Variants in TRPM8 observed in about 807,000 individuals in gnomAD.
TRPM8 encodes transient receptor potential cation channel subfamily M member 8.
In TRPM8, 110 loss-of-function variants were observed where a neutral mutation model predicts 133.7. The observed-to-expected ratio is 0.82, with a 90% CI of 0.70 to 0.96. TRPM8 has a LOEUF of 0.96. Ranked by LOEUF, TRPM8 falls within the 40% of genes least tolerant of loss-of-function variation. The pLI is 0.00. For synonymous variants in TRPM8, 535 were observed against 532.3 expected (o/e 1.01, Z -0.07); for missense variants, 1,291 against 1,379.5 (o/e 0.94, Z 1.02).
At chr2:233,926,197 G>C (rs898460863) in intron 1 of TRPM8, among the ~76,000 whole-genome samples, 5 of 152,230 alleles carry the variant, frequency 3.3e-5, no homozygotes, top group African/African-American at 1.2e-4. Flanking sequence ...GGAGTGCACT[G>C]TGATGCATGT....
chr2:233,939,344 G>A (rs1690846650), intron 5 of TRPM8, among the ~76,000 whole-genome samples, 169 bp downstream of exon 5: 1 of 152,244 alleles, frequency 6.6e-6, no homozygotes, highest in African/African-American at 2.4e-5. Context: ...TGGACACGGA[G>A]CTCTGGCAGA....
intron 17 of TRPM8, among the ~76,000 whole-genome samples, chr2:233,976,142 C>T (rs1361746584): frequency 2.0e-5 from 3 of 152,196 alleles, no homozygotes; most frequent in Admixed American, 2.0e-4. Flanking sequence ...ACGAAGATCT[C>T]TTCCCCTATG....
intron 21 of TRPM8, among the ~76,000 whole-genome samples, chr2:233,991,967 A>G (rs898901702): frequency 6.6e-6 from 1 of 152,160 alleles, no homozygotes; most frequent in Non-Finnish European, 1.5e-5. Context: ...GCATCTTACT[A>G]TTGAGAAGAA....
chr2:233,942,823 C>A, intron 6 of TRPM8, 75 bp downstream of exon 6: 1 of 1,579,260 alleles, frequency 6.3e-7, no homozygotes, highest in Non-Finnish European at 8.7e-7. Context: ...GGCCTGAACC[C>A]TGGGGCTCTG....
intron 24 of TRPM8, among the ~76,000 whole-genome samples, chr2:234,011,181 C>G (rs1298079551): frequency 6.6e-6 from 1 of 152,102 alleles, no homozygotes; most frequent in Non-Finnish European, 1.5e-5. Flanking sequence ...CAATGTTATT[C>G]TTTTACATGT....
rs1311176530 is a variant in TRPM8, at chr2:234,017,498, C to T, written c.*242C>T. On this transcript the variant is annotated 3_prime_UTR_variant, in exon 26 of 26. Transcript: ENST00000324695. ...TTTATGTGTTTCTCCAGAATGGTGCCTGTTTCTCTCTGTGTCTCAATGCCT... is the reference window on the plus strand; with the variant it reads ...TTTATGTGTTTCTCCAGAATGGTGCTTGTTTCTCTCTGTGTCTCAATGCCT... 5.1e-6 allele frequency: 2 copies of T among 388,604 alleles called. No individual in the cohort carries two copies. Among genetic ancestry groups the T allele is most frequent in the East Asian group, 7.6e-5 (1 of 13,236 alleles). 24.1% of individuals were successfully genotyped at this position (388,604 alleles called of 1,614,324 possible).
At chr2:233,935,040 G>A (rs1014561091) in intron 3 of TRPM8, among the ~76,000 whole-genome samples, 5 of 152,188 alleles carry the variant, frequency 3.3e-5, no homozygotes, top group African/African-American at 1.2e-4. Context: ...GTATACTTAA[G>A]CTTGTATTCT....
intron 20 of TRPM8, chr2:233,983,463 C>T (rs1574759589): frequency 2.0e-6 from 1 of 511,624 alleles, no homozygotes; most frequent in Non-Finnish European, 3.7e-6. Context: ...AATAGTGATT[C>T]TGGTATTTTC....
At position 233,947,260 on chromosome 2, in the gene TRPM8, T is replaced by C. The variant is rs961383575; in HGVS notation, c.942+105T>C. Reference sequence around the variant, plus strand: ...TCTAATCTAACCTAATTGATTTTACTGCAGCAAGTAGGTAGTGTTTTCCCT... The same window carrying C: ...TCTAATCTAACCTAATTGATTTTACCGCAGCAAGTAGGTAGTGTTTTCCCT... On this transcript the variant is annotated intron_variant, in intron 8 of 25. Coordinates refer to ENST00000324695, the MANE Select transcript of TRPM8 (RefSeq NM_024080.5). The C allele has an allele frequency of 2.6e-6, 4 of 1,564,308 alleles. No individual in the cohort carries two copies. In the African/African-American group the frequency reaches 5.4e-5, roughly 21 times the overall value.
intron 3 of TRPM8, among the ~76,000 whole-genome samples, chr2:233,936,539 G>A (rs1690747079): frequency 6.6e-6 from 1 of 152,216 alleles, no homozygotes; most frequent in Non-Finnish European, 1.5e-5. Context: ...GATCTCTCCA[G>A]AGTCTGGAAC....
intron 3 of TRPM8, among the ~76,000 whole-genome samples, chr2:233,931,581 T>C (rs765838300): frequency 1.2e-4 from 19 of 152,238 alleles, no homozygotes; most frequent in Non-Finnish European, 2.4e-4. Flanking sequence ...TTGAGCCAAT[T>C]ATTCTCTTTT....
At chr2:233,969,013 G>T (rs1327238838) in intron 15 of TRPM8, among the ~76,000 whole-genome samples, 2 of 152,036 alleles carry the variant, frequency 1.3e-5, no homozygotes, top group Non-Finnish European at 2.9e-5. Context: ...GGTAGTACTG[G>T]CTGTGCCTGT....
intron 22 of TRPM8, among the ~76,000 whole-genome samples, chr2:234,004,178 G>A (rs1692636299): frequency 6.6e-6 from 1 of 152,126 alleles, no homozygotes; most frequent in Non-Finnish European, 1.5e-5. Context: ...CCAGAGAAAT[G>A]GTGTGTTTAA....
chr2:233,966,386 G>A (rs570092238), intron 14 of TRPM8, among the ~76,000 whole-genome samples: 87 of 152,296 alleles, frequency 5.7e-4, no homozygotes, highest in African/African-American at 1.9e-3. Flanking sequence ...AGCAGTTATT[G>A]TCACCTGCTG....
intron 8 of TRPM8, among the ~76,000 whole-genome samples, chr2:233,949,033 C>CA (rs1051342993): frequency 6.6e-6 from 1 of 151,838 alleles, no homozygotes; most frequent in Non-Finnish European, 1.5e-5. Flanking sequence ...GACTTTGTCT[C>CA]AAAAAAACAA....
intron 21 of TRPM8, among the ~76,000 whole-genome samples, chr2:233,987,479 C>T (rs1209306799): frequency 2.0e-5 from 3 of 152,196 alleles, no homozygotes; most frequent in Non-Finnish European, 4.4e-5. Context: ...GGGTCACCTG[C>T]CTCATTTGTC....
rs2052029 is a variant in TRPM8 at position 234,019,044 on chromosome 2, C to T, written c.*1788C>T. On this transcript the variant is annotated 3_prime_UTR_variant, in exon 26 of 26. Coordinates refer to ENST00000324695, the MANE Select transcript of TRPM8 (RefSeq NM_024080.5). ...CAGCTTTGAATACACTATAAACTCACTGGCTGAAGGAGGAAATTTTAGAAG... is the reference window on the plus strand; with the variant it reads ...CAGCTTTGAATACACTATAAACTCATTGGCTGAAGGAGGAAATTTTAGAAG... 2.0e-5 allele frequency: 3 copies of T among 151,844 alleles called. No homozygotes were observed. The highest frequency in any genetic ancestry group is 2.9e-5 in the Non-Finnish European group (2 of 67,976). The allele number at this position is 151,844 out of a possible 1,614,324, so 9.4% of individuals were successfully genotyped here.
rs760564893 is a variant in TRPM8 at position 233,949,996 on chromosome 2, A to G, written c.990A>G (p.Glu330=). 1 of 1,614,174 alleles carries G rather than the reference A, an allele frequency of 6.2e-7. No homozygotes were observed. The highest frequency in any genetic ancestry group is 8.5e-7 in the Non-Finnish European group (1 of 1,180,030). The change falls in exon 9 of 26, where the codon GAA becomes GAG. Residue 330 remains glutamate, a synonymous_variant. Coordinates refer to ENST00000324695, the MANE Select transcript of TRPM8 (RefSeq NM_024080.5). ...IKNKIPCVVV[E]GSGQIADVIA... ...ATAAAATTCCTTGTGTGGTGGTGGA[A>G]GGCTCGGGCCAGATCGCTGATGTGA...
chr2:234,002,018 C>G (rs968912077), intron 22 of TRPM8, among the ~76,000 whole-genome samples: 1 of 151,934 alleles, frequency 6.6e-6, no homozygotes, highest in Admixed American at 6.6e-5. Flanking sequence ...AATGGAAAAG[C>G]CTTAATTAAA....
Sources: gnomAD v4.1 joint callset for allele counts (sites outside exome capture counted in the v4.1 genomes callset) on GRCh38, gnomAD v4.1.1 for gene constraint, MANE v1.5 for transcripts, NCBI Gene and HGNC (gene_info 2026-07-23, HGNC 2026-07-21) for gene names.